The following PDGFD variants were observed in gnomAD, a reference collection of about 807,000 sequenced individuals.
The protein encoded by PDGFD is platelet-derived growth factor D.
A neutral mutation model predicts 44.7 loss-of-function variants in PDGFD; 30 were observed. The observed-to-expected ratio is 0.67, with a 90% CI of 0.50 to 0.91. The LOEUF is 0.91. Among genes scored for constraint, PDGFD ranks in the 40% least tolerant of loss-of-function variants. The pLI is 0.00. For missense variants in PDGFD, 445 were observed against 457.8 expected (o/e 0.97, Z 0.25); for synonymous variants, 173 against 168.4 (o/e 1.03, Z -0.21).
intron 1 of PDGFD, among the ~76,000 whole-genome samples, chr11:104,078,116 T>C (rs561778825): frequency 2.6e-5 from 4 of 152,282 alleles, no homozygotes; most frequent in Non-Finnish European, 5.9e-5. Context: ...AAATGCCTCA[T>C]TCTCAGTGTC....
At chr11:104,035,795 T>C (rs1462679169) in intron 1 of PDGFD, among the ~76,000 whole-genome samples, 1 of 152,170 alleles carries the variant, frequency 6.6e-6, no homozygotes, top group East Asian at 1.9e-4. Flanking sequence ...TGAAACTGCT[T>C]TCCTTTGGAG....
intron 3 of PDGFD, among the ~76,000 whole-genome samples, chr11:103,984,007 T>C (rs1565302542): frequency 6.6e-6 from 1 of 151,694 alleles, no homozygotes; most frequent in Non-Finnish European, 1.5e-5. Context: ...GACTCCTCAA[T>C]GGCCTAAAGA....
chr11:104,107,248 A>T (rs1861484494), intron 1 of PDGFD, among the ~76,000 whole-genome samples: 1 of 152,194 alleles, frequency 6.6e-6, no homozygotes, highest in African/African-American at 2.4e-5. Context: ...ATAGGTAATA[A>T]ACAAGAAGCA....
chr11:104,094,308 A>G (rs144223582), intron 1 of PDGFD, among the ~76,000 whole-genome samples: 1 of 152,094 alleles, frequency 6.6e-6, no homozygotes, highest in Non-Finnish European at 1.5e-5. Context: ...CAAAGTTGGA[A>G]TTCCTTGGGG....
At chr11:103,990,181 CTT>C in intron 3 of PDGFD, among the ~76,000 whole-genome samples, 1 of 152,190 alleles carries the variant, frequency 6.6e-6, no homozygotes, top group East Asian at 1.9e-4. Flanking sequence ...GCTTCCCTCT[CTT>C]GTCTTTGCTT....
chr11:103,951,351 C>T (rs1462123384), intron 3 of PDGFD, among the ~76,000 whole-genome samples: 2 of 152,154 alleles, frequency 1.3e-5, no homozygotes, highest in East Asian at 1.9e-4. Flanking sequence ...TCATCTCTTC[C>T]GCCATAACCT....
intron 6 of PDGFD, among the ~76,000 whole-genome samples, chr11:103,910,901 G>A (rs773008656): frequency 2.6e-5 from 4 of 151,878 alleles, no homozygotes; most frequent in Non-Finnish European, 4.4e-5. Context: ...GGGGAGGGGC[G>A]TCTGCCATTG....
chr11:103,987,190 T>G (rs946808119), intron 3 of PDGFD, among the ~76,000 whole-genome samples: 3 of 152,110 alleles, frequency 2.0e-5, no homozygotes, highest in Non-Finnish European at 4.4e-5. Context: ...TTAAGCTCTT[T>G]CTCTATTACA....
intron 3 of PDGFD, among the ~76,000 whole-genome samples, chr11:103,969,500 C>CTTTTTA (rs1859072786): frequency 1.9e-5 from 1 of 53,210 alleles, no homozygotes; most frequent in Non-Finnish European, 3.6e-5. Flanking sequence ...TTTTTTTTTC[C>CTTTTTA]TGGAAGTGGT....
At chr11:104,061,935 G>A (rs935989373) in intron 1 of PDGFD, among the ~76,000 whole-genome samples, 1 of 101,296 alleles carries the variant, frequency 9.9e-6, no homozygotes, top group East Asian at 2.7e-4. Context: ...CATTTCAAGT[G>A]GTTACAACTC....
chr11:104,047,957 T>C lies in PDGFD; in HGVS notation c.125-47702A>G, dbSNP rs536444724. Among the ~76,000 whole-genome samples the C allele has an allele frequency of 8.8e-4, 134 of 152,264 alleles. 1 individual carries two copies. The highest frequency in any genetic ancestry group is 2.4e-3 in the Admixed American group (36 of 15,290). ...GTACATAGCTAATGTAAATCTGCTA[T>C]ATCTTTGATAGTGATGAAAAAGCCA... On this transcript the variant is annotated intron_variant, in intron 1 of 6. Coordinates refer to ENST00000393158, the MANE Select transcript of PDGFD (RefSeq NM_025208.5).
chr11:103,980,062 G>A (rs532700606), intron 3 of PDGFD, among the ~76,000 whole-genome samples: 5 of 151,796 alleles, frequency 3.3e-5, no homozygotes, highest in African/African-American at 1.2e-4. Context: ...TCCCTATCTA[G>A]GTTATCTCCT....
chr11:104,002,434 C>T (rs965814674), intron 1 of PDGFD, among the ~76,000 whole-genome samples: 1 of 152,202 alleles, frequency 6.6e-6, no homozygotes, highest in Admixed American at 6.5e-5. Flanking sequence ...CAACCCCTGC[C>T]TCCTGCTGCC....
rs571891102 is a variant in PDGFD at position 104,012,756 on chromosome 11, C to G, written c.125-12501G>C. The stretch of plus-strand genomic sequence containing the variant: ...TCCACTTTGGGTTGGTGGGGCTCCA[C>G]TTCATGTTTTCTCACTCCGAAATCT... On this transcript the variant is annotated intron_variant, in intron 1 of 6. Coordinates refer to ENST00000393158, the MANE Select transcript of PDGFD (RefSeq NM_025208.5). Among the ~76,000 whole-genome samples, 3 of 152,348 alleles carry G rather than the reference C, an allele frequency of 2.0e-5. No individual in the cohort carries two copies. The South Asian group carries it at 6.2e-4, about 32-fold the overall frequency.
intron 1 of PDGFD, among the ~76,000 whole-genome samples, chr11:104,125,153 G>T (rs1182674438): frequency 6.6e-6 from 1 of 152,092 alleles, no homozygotes; most frequent in African/African-American, 2.4e-5. Context: ...AAAGTAATAT[G>T]TTAGTAATGA....
At chr11:104,096,383 A>G (rs1381911285) in intron 1 of PDGFD, among the ~76,000 whole-genome samples, 2 of 152,224 alleles carry the variant, frequency 1.3e-5, no homozygotes, top group African/African-American at 4.8e-5. Flanking sequence ...TATAATTTAA[A>G]GCCAAGTATT....
chr11:104,024,085 A>G (rs918274802), intron 1 of PDGFD, among the ~76,000 whole-genome samples: 9 of 152,298 alleles, frequency 5.9e-5, no homozygotes, highest in Admixed American at 3.9e-4. Flanking sequence ...AAAATGTCAC[A>G]TGACTGAAGA....
intron 1 of PDGFD, among the ~76,000 whole-genome samples, chr11:104,119,142 T>TTGG (rs1565340560): frequency 5.6e-4 from 14 of 25,090 alleles, no homozygotes; most frequent in Non-Finnish European, 7.2e-4. Flanking sequence ...ATATAATATA[T>TTGG]TAATATAATA....
intron 1 of PDGFD, among the ~76,000 whole-genome samples, chr11:104,057,352 CCA>C (rs1860636635): frequency 1.3e-5 from 2 of 152,050 alleles, no homozygotes; most frequent in Non-Finnish European, 2.9e-5. Flanking sequence ...TTGAAAAAAT[CCA>C]CAGTCTGATA....
Sources: allele counts gnomAD v4.1 joint callset (sites outside exome capture counted in the v4.1 genomes callset), GRCh38; gene constraint gnomAD v4.1.1; transcripts MANE v1.5; gene names NCBI Gene and HGNC (gene_info 2026-07-23, HGNC 2026-07-21).